The following RIMS1 variants were observed in gnomAD, a reference collection of about 807,000 sequenced individuals.
RIMS1 encodes regulating synaptic membrane exocytosis 1.
A neutral mutation model predicts 214.1 loss-of-function variants in RIMS1; 83 were observed. That is an observed-to-expected ratio of 0.39 (90% CI 0.32 to 0.47). RIMS1 has a LOEUF of 0.47. RIMS1 is among the 20% of genes least tolerant of loss of function. The probability of loss-of-function intolerance (pLI) is 0.99; values close to 1 mark genes in which losing one functional copy is unlikely to be tolerated. For synonymous variants in RIMS1, 793 were observed against 786.8 expected (o/e 1.01, Z -0.13); for missense variants, 2,050 against 2,161.8 (o/e 0.95, Z 1.03).
At chr6:72,274,548 C>A in intron 23 of RIMS1, 116 bp downstream of exon 23, 2 of 770,052 alleles carry the variant, frequency 2.6e-6, no homozygotes, top group Non-Finnish European at 4.5e-6. Context: ...GAGCCAGAGC[C>A]AGATATGTTA....
At chr6:72,179,951 AT>A in intron 5 of RIMS1, 36 bp downstream of exon 5, 10 of 1,341,410 alleles carry the variant, frequency 7.5e-6, no homozygotes, top group Non-Finnish European at 9.8e-6. Flanking sequence ...AAAAGGCAAG[AT>A]TTTGCTAGGA....
rs557964447 is a variant in RIMS1 at position 72,282,257 on chromosome 6, C to T, written c.3483-1790C>T. Among the ~76,000 whole-genome samples, 478 of 152,086 alleles carry T rather than the reference C, an allele frequency of 3.1e-3. 3 individuals are homozygous for T. Among genetic ancestry groups the T allele is most frequent in the Middle Eastern group, 0.027 (8 of 292 alleles). ...TGAGCCTGCAGATCTAATTACTAATCCTTTCTTCTCCCCTTACTTCTCATC... is the reference window on the plus strand; with the variant it reads ...TGAGCCTGCAGATCTAATTACTAATTCTTTCTTCTCCCCTTACTTCTCATC... On this transcript the variant is annotated intron_variant, in intron 23 of 33. Coordinates refer to ENST00000521978, the MANE Select transcript of RIMS1 (RefSeq NM_014989.7).
intron 4 of RIMS1, among the ~76,000 whole-genome samples, chr6:72,176,988 A>AT (rs2047801013): frequency 6.6e-6 from 1 of 152,154 alleles, no homozygotes; most frequent in Non-Finnish European, 1.5e-5. Context: ...TCATTGACCC[A>AT]TTTTTTGTAA....
At chr6:72,026,907 A>C (rs1195075418) in intron 2 of RIMS1, among the ~76,000 whole-genome samples, 3 of 152,142 alleles carry the variant, frequency 2.0e-5, no homozygotes, top group Non-Finnish European at 4.4e-5. Flanking sequence ...TTCTAATTCA[A>C]ATAAAAAGTG....
At chr6:72,205,097 G>C (rs1277506987) in intron 6 of RIMS1, among the ~76,000 whole-genome samples, 1 of 151,888 alleles carries the variant, frequency 6.6e-6, no homozygotes, top group Non-Finnish European at 1.5e-5. Context: ...TCAGGATTCT[G>C]TTTCTTTAAT....
At chr6:72,375,948 C>T (rs1043720944) in intron 29 of RIMS1, among the ~76,000 whole-genome samples, 3 of 152,192 alleles carry the variant, frequency 2.0e-5, no homozygotes, top group Admixed American at 1.3e-4. Flanking sequence ...TCTCTGACCA[C>T]ATTCTTGCCT....
intron 29 of RIMS1, among the ~76,000 whole-genome samples, chr6:72,359,401 G>A (rs1164291000): frequency 6.6e-6 from 1 of 152,090 alleles, no homozygotes; most frequent in African/African-American, 2.4e-5. Context: ...GTCAAACATT[G>A]GTTATTAGGG....
chr6:71,942,086 A>G (rs1231674045), intron 1 of RIMS1, among the ~76,000 whole-genome samples: 1 of 152,128 alleles, frequency 6.6e-6, no homozygotes, highest in African/African-American at 2.4e-5. Flanking sequence ...GACAGTATGC[A>G]CCACCATGGT....
chr6:71,970,701 C>T (rs1440055772), intron 2 of RIMS1, among the ~76,000 whole-genome samples: 1 of 152,140 alleles, frequency 6.6e-6, no homozygotes, highest in East Asian at 1.9e-4. Context: ...TCTTTGGATC[C>T]TGCTTTTTGA....
At position 72,072,191 on chromosome 6, in the gene RIMS1, A is replaced by C. The variant is rs187775160; in HGVS notation, c.246-24758A>C. On this transcript the variant is annotated intron_variant, in intron 2 of 33. Coordinates refer to ENST00000521978, the MANE Select transcript of RIMS1 (RefSeq NM_014989.7). ...TAAATTACACCTAAAATCTCTCTCTACATGAAGTGTCTCAGAGAATAATTT... is the reference window on the plus strand; with the variant it reads ...TAAATTACACCTAAAATCTCTCTCTCCATGAAGTGTCTCAGAGAATAATTT... Among the ~76,000 whole-genome samples, 21 of 152,334 alleles carry C rather than the reference A, an allele frequency of 1.4e-4. No homozygotes were observed. In the East Asian group the frequency reaches 4.1e-3, roughly 29 times the overall value.
At chr6:72,223,119 A>G (rs1483404459) in intron 6 of RIMS1, among the ~76,000 whole-genome samples, 1 of 152,190 alleles carries the variant, frequency 6.6e-6, no homozygotes, top group Non-Finnish European at 1.5e-5. Flanking sequence ...TATTGTGGCT[A>G]TAAAGTTATG....
At chr6:72,125,521 T>G (rs2039329277) in intron 4 of RIMS1, among the ~76,000 whole-genome samples, 1 of 152,236 alleles carries the variant, frequency 6.6e-6, no homozygotes, top group Non-Finnish European at 1.5e-5. Context: ...TTTTCAGAGC[T>G]GTCAGACAGG....
At chr6:72,138,024 C>T (rs2041581248) in intron 4 of RIMS1, among the ~76,000 whole-genome samples, 3 of 152,090 alleles carry the variant, frequency 2.0e-5, no homozygotes, top group Non-Finnish European at 4.4e-5. Context: ...GCGTGAGCCA[C>T]CGCGCCCGGC....
intron 4 of RIMS1, among the ~76,000 whole-genome samples, chr6:72,145,212 T>C (rs1376865533): frequency 6.6e-6 from 1 of 152,206 alleles, no homozygotes. Context: ...ATAAGACCTT[T>C]TAAAGCCAAG....
At chr6:72,037,704 GTGTT>G (rs1820067707) in intron 2 of RIMS1, among the ~76,000 whole-genome samples, 2 of 151,786 alleles carry the variant, frequency 1.3e-5, no homozygotes, top group Admixed American at 1.3e-4. Context: ...CTTTCTTTTG[GTGTT>G]TGTTTGTTTG....
intron 6 of RIMS1, among the ~76,000 whole-genome samples, chr6:72,198,276 A>G (rs1171291041): frequency 2.0e-5 from 3 of 152,136 alleles, no homozygotes; most frequent in African/African-American, 7.2e-5. Flanking sequence ...CCCATATGAA[A>G]GAATGAAATC....
At chr6:71,995,326 A>T (rs146731287) in intron 2 of RIMS1, among the ~76,000 whole-genome samples, 1 of 152,292 alleles carries the variant, frequency 6.6e-6, no homozygotes, top group Non-Finnish European at 1.5e-5. Flanking sequence ...GCCTCAGACT[A>T]TATTTTCTTT....
chr6:72,116,489 A>G (rs2037102408), intron 4 of RIMS1, among the ~76,000 whole-genome samples: 1 of 152,012 alleles, frequency 6.6e-6, no homozygotes, highest in Admixed American at 6.6e-5. Flanking sequence ...CAGTTCCACA[A>G]ATTTATACTC....
chr6:72,182,435 G>C lies in RIMS1; in HGVS notation c.964G>C (p.Gly322Arg). The change falls in exon 6 of 34, where the codon GGG becomes CGG. Residue 322 changes from glycine to arginine, a missense_variant. Physicochemically the swap from Gly to Arg is moderately radical, Grantham distance 125. Transcript: ENST00000521978. ...GCGGGAAAGCCGAAGGCTTGAGAAAGGGCGATCACAGGATTACCCAGACAC... is the reference window on the plus strand; with the variant it reads ...GCGGGAAAGCCGAAGGCTTGAGAAACGGCGATCACAGGATTACCCAGACAC... ...ERRESRRLEK[G>R]RSQDYPDTPE... 6.2e-7 allele frequency: 1 copy of C among 1,613,944 alleles called. No homozygotes were observed. Among genetic ancestry groups the C allele is most frequent in the Non-Finnish European group, 8.5e-7 (1 of 1,179,862 alleles).
Sources: allele counts gnomAD v4.1 joint callset (sites outside exome capture counted in the v4.1 genomes callset), GRCh38; gene constraint gnomAD v4.1.1; transcripts MANE v1.5; gene names NCBI Gene and HGNC (gene_info 2026-07-23, HGNC 2026-07-21).